Variants in SH2B1 observed in about 807,000 individuals in gnomAD.
SH2B1 encodes the protein SH2B adapter protein 1.
In SH2B1, 15 loss-of-function variants were observed where a neutral mutation model predicts 62.6. The observed-to-expected ratio is 0.24, with a 90% CI of 0.16 to 0.37. The LOEUF is 0.37. Ranked by LOEUF, SH2B1 falls within the 10% of genes least tolerant of loss-of-function variation. SH2B1 has a pLI of 1.00. For synonymous variants in SH2B1, 443 were observed against 438.0 expected, an observed-to-expected ratio of 1.01 and a Z score of -0.14; for missense variants, 925 against 1,015.6, an observed-to-expected ratio of 0.91 and a Z score of 1.21.
At position 28,867,043 on chromosome 16, in the gene SH2B1, C is replaced by A. The variant is rs1314803588; in HGVS notation, c.939+10C>A. The A allele has an allele frequency of 6.3e-7, 1 of 1,598,656 alleles. No homozygotes were observed. Among genetic ancestry groups the A allele is most frequent in the South Asian group, 1.1e-5 (1 of 91,070 alleles). ...CTTTGTACCACCCAAGGTGAGGCCC[C>A]TTGGAGGGTGGGTGACTGAGAGCAA... is the stretch of plus-strand genomic sequence containing the variant. On this transcript the variant is annotated intron_variant, in intron 1 of 7. Transcript: ENST00000684370.
upstream of SH2B1, among the ~76,000 whole-genome samples, chr16:28,861,989 G>A (rs1962458925): frequency 6.6e-6 from 1 of 152,214 alleles, no homozygotes; most frequent in South Asian, 2.1e-4. Context: ...GCATAGGGAA[G>A]GCAGAACCAG....
At position 28,872,238 on chromosome 16, in the gene SH2B1, C is replaced by G. The variant is rs758381325; in HGVS notation, c.1562C>G (p.Pro521Arg). The change falls in exon 6 of 8, where the codon CCC becomes CGC. Residue 521 changes from proline to arginine, a missense_variant. Pro to Arg is a moderately radical substitution (Grantham distance 103). Transcript: ENST00000684370. The surrounding 1 kb of genome is among the most constrained non-coding windows in gnomAD (Gnocchi z 5.3). ...CCAGAGGGCGGTGAGGGGGACCAGC[C>G]CCTCTCAGGGTATCCTTGGTTCCAC... ...GEPEGGEGDQ[P>R]LSGYPWFHGM... 3 of 1,613,986 alleles carry G rather than the reference C, an allele frequency of 1.9e-6. No homozygotes were observed. The highest frequency in any genetic ancestry group is 2.5e-6 in the Non-Finnish European group (3 of 1,179,884).
In SH2B1 at chr16:28,872,003, G is replaced by A; in HGVS notation, c.1513+20G>A. 1.3e-6 allele frequency: 2 copies of A among 1,514,362 alleles called. No homozygotes were observed. The highest frequency in any genetic ancestry group is 1.8e-6 in the Non-Finnish European group (2 of 1,089,962). The allele number at this position is 1,514,362 out of a possible 1,614,324, so 93.8% of individuals were successfully genotyped here. On this transcript the variant is annotated intron_variant, in intron 5 of 7. Coordinates refer to ENST00000684370, the MANE Select transcript of SH2B1 (RefSeq NM_001387430.1). The surrounding 1 kb of genome is among the most constrained non-coding windows in gnomAD (Gnocchi z 5.3). Reference sequence around the variant, plus strand: ...CCACAGGTACCGGAGGTGTGAGTGTGCATGTCTCCAGGCCTGGGTGCCTAC... The same window carrying A: ...CCACAGGTACCGGAGGTGTGAGTGTACATGTCTCCAGGCCTGGGTGCCTAC...
In SH2B1 at chr16:28,866,928, T is replaced by C. The variant is rs1268944924; in HGVS notation, c.834T>C (p.Pro278=). The part of the protein sequence containing the change: ...VGRGGGVAGP[P]SGGGGQPQWQ... ...GGGGAGGAGGGGTGGCTGGGCCTCC[T>C]TCAGGGGGAGGAGGGCAGCCTCAGT... The change falls in exon 1 of 8, where the codon CCT becomes CCC. Residue 278 remains proline (P), a synonymous_variant. Coordinates refer to ENST00000684370, the MANE Select transcript of SH2B1 (RefSeq NM_001387430.1). This position sits in a 1 kb window ranked among gnomAD's most constrained non-coding sequence, Gnocchi z 6.3. The C allele has an allele frequency of 1.2e-6, 2 of 1,611,018 alleles. No homozygotes were observed. Among genetic ancestry groups the C allele is most frequent in the Non-Finnish European group, 1.7e-6 (2 of 1,179,876 alleles).
At chr16:28,852,744 AT>A (rs1469144386) in intron 1 of SH2B1, among the ~76,000 whole-genome samples, 1 of 54,876 alleles carries the variant, frequency 1.8e-5, no homozygotes, top group Non-Finnish European at 3.1e-5. Context: ...ACATATATAT[AT>A]TTACATATAT....
rs939517550 is a variant in SH2B1 at position 28,872,073 on chromosome 16, G to A, written c.1513+90G>A. On this transcript the variant is annotated intron_variant, in intron 5 of 7. Transcript: ENST00000684370. This position sits in a 1 kb window ranked among gnomAD's most constrained non-coding sequence, Gnocchi z 5.3. ...GGGATCCCGAGGGAGCTGGCCCAGG[G>A]GAGTTGGGGACGCATGTGGGGAGCA... The A allele has an allele frequency of 3.0e-6, 4 of 1,348,596 alleles. No homozygotes were observed. The African/African-American group carries it at 5.8e-5, about 20-fold the overall frequency. 83.5% of individuals were successfully genotyped at this position (1,348,596 alleles called of 1,614,324 possible).
upstream of SH2B1, among the ~76,000 whole-genome samples, chr16:28,859,561 G>C (rs993223257): frequency 1.1e-4 from 17 of 152,142 alleles, no homozygotes; most frequent in Non-Finnish European, 2.2e-4. Flanking sequence ...AGACAGTCCA[G>C]GGAGCCAGGC....
Position 28,864,072 on chromosome 16 carries a change from C to T in SH2B1, c.-2023C>T, listed in dbSNP as rs1850764943. ...GCCGGGGGCTGGAGAGGCACTCGGC[C>T]CCGGAGAGTGCAGCAGACAGGGCTG... is the stretch of plus-strand genomic sequence containing the variant. On this transcript the variant is annotated 5_prime_UTR_variant, in exon 1 of 8. Transcript: ENST00000684370. 1.5e-6 allele frequency: 2 copies of T among 1,342,002 alleles called. No homozygotes were observed. The highest frequency in any genetic ancestry group is 1.5e-5 in the South Asian group (1 of 65,188). 83.1% of individuals were successfully genotyped at this position (1,342,002 alleles called of 1,614,324 possible).
chr16:28,864,017 A>C lies in SH2B1; in HGVS notation c.-2078A>C. The stretch of plus-strand genomic sequence containing the variant: ...CCGCGACCCGGCCCTGGCGCCCGAG[A>C]GGATTCCTGGGTGGGGGTGGGCGTG... On this transcript the variant is annotated 5_prime_UTR_variant, in exon 1 of 8. Coordinates refer to ENST00000684370, the MANE Select transcript of SH2B1 (RefSeq NM_001387430.1). 1 of 1,304,902 alleles carries C rather than the reference A, an allele frequency of 7.7e-7. No homozygotes were observed. The allele number at this position is 1,304,902 out of a possible 1,614,324, so 80.8% of individuals were successfully genotyped here. A position where few individuals can be genotyped will look rare whatever the true frequency, so the allele number is the denominator to read the frequency against.
intron 4 of SH2B1, 134 bp downstream of exon 4, chr16:28,869,517 C>T: frequency 1.3e-6 from 1 of 756,404 alleles, no homozygotes; most frequent in South Asian, 1.9e-5. Flanking sequence ...CCAACCCCAC[C>T]AAATGTTGGT....
In SH2B1 at chr16:28,872,855, G is replaced by T; in HGVS notation, c.1897+150G>T. On this transcript the variant is annotated intron_variant, in intron 7 of 7. Transcript: ENST00000684370. The surrounding 1 kb of genome is among the most constrained non-coding windows in gnomAD (Gnocchi z 5.3). ...GTAGAGGAGGCTGTTGTGCCTCGGGGTTTGGAAGGGAAAGAAATGCGCTGA... is the reference window on the plus strand; with the variant it reads ...GTAGAGGAGGCTGTTGTGCCTCGGGTTTTGGAAGGGAAAGAAATGCGCTGA... 3 of 1,062,846 alleles carry T rather than the reference G, an allele frequency of 2.8e-6. No homozygotes were observed. The highest frequency in any genetic ancestry group is 4.0e-4 in the Middle Eastern group (2 of 4,962). The allele number at this position is 1,062,846 out of a possible 1,614,324, so 65.8% of individuals were successfully genotyped here. A position where few individuals can be genotyped will look rare whatever the true frequency, so the allele number is the denominator to read the frequency against.
chr16:28,851,832 G>C (rs1376322120), intron 1 of SH2B1, among the ~76,000 whole-genome samples: 1 of 149,274 alleles, frequency 6.7e-6, no homozygotes, highest in Non-Finnish European at 1.5e-5. Flanking sequence ...ACTTTGGGAG[G>C]CCGAGGCAGG....
chr16:28,871,712 A>G, intron 4 of SH2B1, 68 bp from the exon 5 acceptor site: 2 of 1,290,980 alleles, frequency 1.5e-6, no homozygotes, highest in Non-Finnish European at 2.3e-6. Context: ...TGGTGAGGAG[A>G]TGGGCCCAGG....
intron 1 of SH2B1, among the ~76,000 whole-genome samples, chr16:28,855,057 G>A (rs1014835089): frequency 1.3e-5 from 2 of 151,756 alleles, no homozygotes; most frequent in African/African-American, 4.8e-5. Context: ...TGTATTTTTA[G>A]TAGACAGGGT....
At position 28,866,328 on chromosome 16, in the gene SH2B1, C is replaced by T. The variant is rs751149899; in HGVS notation, c.234C>T (p.Ala78=). Residue 78 remains alanine (A), a synonymous_variant, in exon 1 of 8, where the codon GCC becomes GCT. Transcript: ENST00000684370. The surrounding 1 kb of genome is among the most constrained non-coding windows in gnomAD (Gnocchi z 6.3). ...FAELFLQHFE[A]EVARASGSLS... is the part of the protein sequence containing the mutation. ...AGCTCTTCCTGCAGCACTTTGAAGC[C>T]GAGGTGGCCCGGGCCTCTGGCTCCC... 2.4e-5 allele frequency: 39 copies of T among 1,611,902 alleles called. No homozygotes were observed. In the African/African-American group the frequency reaches 2.7e-4, roughly 11 times the overall value.
Position 28,873,385 on chromosome 16 carries a change from A to G in SH2B1, c.1898-62A>G, listed in dbSNP as rs912323944. On this transcript the variant is annotated intron_variant, in intron 7 of 7. Coordinates refer to ENST00000684370, the MANE Select transcript of SH2B1 (RefSeq NM_001387430.1). The surrounding 1 kb of genome is among the most constrained non-coding windows in gnomAD (Gnocchi z 4.2). ...GCTCCTGGGGGGCTGAGTGAAGGGG[A>G]GGCCACGGCAGGAGCTCACCTGCCT... The G allele has an allele frequency of 5.2e-5, 82 of 1,580,384 alleles. No individual in the cohort carries two copies. The highest frequency in any genetic ancestry group is 6.3e-5 in the Non-Finnish European group (74 of 1,172,604).
In SH2B1 at chr16:28,873,716, G is replaced by A. The variant is rs761697755; in HGVS notation, c.2167G>A (p.Ala723Thr). 60 of 1,499,370 alleles carry A rather than the reference G, an allele frequency of 4.0e-5. No homozygotes were observed. Among genetic ancestry groups the A allele is most frequent in the East Asian group, 1.5e-4 (6 of 40,474 alleles). 92.9% of individuals were successfully genotyped at this position (1,499,370 alleles called of 1,614,324 possible). ...EAQGAGSGGD[A>T]GVPPMVQLQQ... ...CCAGGGCGCTGGGTCTGGTGGGGAC[G>A]CGGGGGTGCCCCCAATGGTGCAGCT... Residue 723 changes from alanine to threonine, a missense_variant, in exon 8 of 8, where the codon GCG (alanine) becomes ACG (threonine). Around this residue, in one of 3 missense-constraint regions of SH2B1, gnomAD observed 185 missense variants for 189.5 expected, o/e 0.98. Transcript: ENST00000684370. The surrounding 1 kb of genome is among the most constrained non-coding windows in gnomAD (Gnocchi z 4.2).
In SH2B1 at chr16:28,871,904, T is replaced by C. The variant is rs763462635; in HGVS notation, c.1434T>C (p.Ile478=). The change falls in exon 5 of 8, where the codon ATT becomes ATC. Residue 478 remains isoleucine, a synonymous_variant. Transcript: ENST00000684370. The part of the protein sequence containing the change: ...LPPELPPRIP[I]EEGPPTGTVH... ...CAGAGTTGCCCCCCCGCATCCCCAT[T>C]GAAGAGGGACCCCCAACAGGGACAG... The C allele has an allele frequency of 9.7e-6, 14 of 1,448,666 alleles. No individual in the cohort carries two copies. In the South Asian group the frequency reaches 1.4e-4, roughly 14 times the overall value. The allele number at this position is 1,448,666 out of a possible 1,614,324, so 89.7% of individuals were successfully genotyped here. A position where few individuals can be genotyped will look rare whatever the true frequency, so the allele number is the denominator to read the frequency against.
Position 28,866,449 on chromosome 16 carries a change from G to T in SH2B1, c.355G>T (p.Val119Leu), listed in dbSNP as rs1452968358. 6.2e-7 allele frequency: 1 copy of T among 1,613,926 alleles called. No individual in the cohort carries two copies. Residue 119 changes from valine (V) to leucine (L), a missense_variant, in exon 1 of 8, where the codon GTG (valine) becomes TTG (leucine). Val to Leu is a conservative substitution (Grantham distance 32). This residue lies in a region of SH2B1 where 683 missense variants were observed against 704.0 expected (regional missense o/e 0.97). Transcript: ENST00000684370. This position sits in a 1 kb window ranked among gnomAD's most constrained non-coding sequence, Gnocchi z 6.3. ...ESCRVGGPLA[V>L]LGPSRSSEDL... ...CTGCAGGGTGGGTGGGCCCCTGGCT[G>T]TGCTGGGCCCTTCTCGATCATCTGA...
Sources: allele counts gnomAD v4.1 joint callset (sites outside exome capture counted in the v4.1 genomes callset), GRCh38; gene constraint gnomAD v4.1.1; regional missense constraint gnomAD v4.1.1; non-coding constraint Gnocchi (gnomAD v3.1); transcripts MANE v1.5; gene names NCBI Gene and HGNC (gene_info 2026-07-23, HGNC 2026-07-21).